SFI1: variants seen among roughly 807,000 people sequenced by gnomAD.
SFI1 encodes protein SFI1 homolog.
In SFI1, 195 loss-of-function variants were observed where a neutral mutation model predicts 207.5. That is an observed-to-expected ratio of 0.94 (90% CI 0.84 to 1.06). The LOEUF (loss-of-function observed/expected upper bound fraction) is 1.06. SFI1 is among the 50% of genes least tolerant of loss of function. The pLI is 0.00. For missense variants in SFI1, 1,634 were observed against 1,588.0 expected, an observed-to-expected ratio of 1.03 and a Z score of -0.49; for synonymous variants, 630 against 598.9, an observed-to-expected ratio of 1.05 and a Z score of -0.76.
intron 11 of SFI1, 100 bp downstream of exon 11, chr22:31,578,552 A>T: frequency 9.2e-7 from 1 of 1,083,620 alleles, no homozygotes; most frequent in South Asian, 1.7e-5. Flanking sequence ...AAATGCAGTC[A>T]GCTATGGGTG....
At chr22:31,503,378 G>T (rs1008221419) in intron 1 of SFI1, among the ~76,000 whole-genome samples, 4 of 152,084 alleles carry the variant, frequency 2.6e-5, no homozygotes, top group Non-Finnish European at 5.9e-5. Flanking sequence ...TATCCACTCT[G>T]AAGTTTTTCA....
chr22:31,602,460 G>T (rs1569444327), intron 16 of SFI1, 147 bp from the exon 17 acceptor site: 1 of 1,124,790 alleles, frequency 8.9e-7, no homozygotes, highest in Non-Finnish European at 1.3e-6. Context: ...TCTCAGTGGA[G>T]CCTACAGACA....
chr22:31,596,165 A>G (rs5994412), intron 15 of SFI1, among the ~76,000 whole-genome samples: 15,129 of 152,112 alleles, frequency 0.099, 923 homozygotes, highest in Admixed American at 0.16. Flanking sequence ...AGGCACAAGA[A>G]TCACTTTAAC....
At chr22:31,530,923 C>G (rs2058455421) in intron 3 of SFI1, 135 bp from the exon 4 acceptor site, 1 of 657,090 alleles carries the variant, frequency 1.5e-6, no homozygotes, top group African/African-American at 1.8e-5. Flanking sequence ...GCAAAATTAG[C>G]TATGATACCG....
intron 15 of SFI1, among the ~76,000 whole-genome samples, chr22:31,601,118 C>G (rs185024221): frequency 0.012 from 1,585 of 134,374 alleles, 7 homozygotes; most frequent in Middle Eastern, 0.032. Flanking sequence ...AACCTTTTTA[C>G]TTTTCTTTAC....
intron 1 of SFI1, among the ~76,000 whole-genome samples, chr22:31,507,983 G>T (rs2054888132): frequency 6.6e-6 from 1 of 152,086 alleles, no homozygotes; most frequent in African/African-American, 2.4e-5. Flanking sequence ...GGTTGAGGCA[G>T]GAGAATCGCT....
chr22:31,561,558 A>G (rs575038840), intron 8 of SFI1, among the ~76,000 whole-genome samples, 166 bp downstream of exon 8: 46 of 152,324 alleles, frequency 3.0e-4, no homozygotes, highest in Non-Finnish European at 5.3e-4. Flanking sequence ...GCTGTTAGGA[A>G]TAAAGTAGAG....
Position 31,582,204 on chromosome 22 carries a change from TTTTATATATATATATATA to T in SFI1, c.1249-1669_1249-1652del, listed in dbSNP as rs1215555243. Among the ~76,000 whole-genome samples the T allele has an allele frequency of 2.1e-3, 34 of 15,982 alleles. 1 individual carries two copies. The highest frequency in any genetic ancestry group is 8.7e-3 in the South Asian group (3 of 346). The allele number at this position is 15,982 out of a possible 152,430, so 10.5% of individuals were successfully genotyped here. On this transcript the variant is annotated intron_variant, in intron 12 of 32. Coordinates refer to ENST00000400288, the MANE Select transcript of SFI1 (RefSeq NM_001007467.3). ...CCCCCAACAACACTTCTTTATTACA[TTTTATATATATATATATA>T]TATATATATATATATTTTTTTTTTT...
chr22:31,557,119 G>A, intron 7 of SFI1, 60 bp downstream of exon 7: 1 of 1,030,766 alleles, frequency 9.7e-7, no homozygotes, highest in South Asian at 1.6e-5. Flanking sequence ...TCAGCTTTAT[G>A]GTGCTGGAAA....
intron 2 of SFI1, among the ~76,000 whole-genome samples, chr22:31,512,677 C>T (rs1198642111): frequency 6.7e-6 from 1 of 148,506 alleles, no homozygotes; most frequent in Admixed American, 6.8e-5. Flanking sequence ...GCCACCATAC[C>T]CAGCTAATAT....
intron 15 of SFI1, among the ~76,000 whole-genome samples, chr22:31,593,405 G>A (rs1229385857): frequency 1.4e-5 from 2 of 141,192 alleles, no homozygotes; most frequent in African/African-American, 2.7e-5. Context: ...ATGGGCGGCC[G>A]GGCAGAGACG....
chr22:31,585,183 C>T, intron 14 of SFI1, 49 bp downstream of exon 14: 1 of 1,501,052 alleles, frequency 6.7e-7, no homozygotes, highest in Non-Finnish European at 9.2e-7. Context: ...CATTCTTGGA[C>T]CCATTTGCTT....
Position 31,606,955 on chromosome 22 carries a change from C to G in SFI1, c.2157+525C>G, listed in dbSNP as rs2069130431. On this transcript the variant is annotated intron_variant, in intron 21 of 32. Coordinates refer to ENST00000400288, the MANE Select transcript of SFI1 (RefSeq NM_001007467.3). ...TCAGGTGATCCATCTGCCTCAGCCT[C>G]CCAAAGTGCTGGGATTACAGGCTCT... Among the ~76,000 whole-genome samples, 3 of 152,042 alleles carry G rather than the reference C, an allele frequency of 2.0e-5. 1 individual carries two copies. The highest frequency in any genetic ancestry group is 2.0e-4 in the Admixed American group (3 of 15,262).
chr22:31,515,403 C>T (rs189526452), intron 2 of SFI1, among the ~76,000 whole-genome samples: 1 of 151,118 alleles, frequency 6.6e-6, no homozygotes, highest in East Asian at 1.9e-4. Flanking sequence ...GGCTGGAGTA[C>T]AGTGGCATGA....
At chr22:31,516,537 G>A (rs1472066096) in intron 2 of SFI1, among the ~76,000 whole-genome samples, 2 of 150,400 alleles carry the variant, frequency 1.3e-5, no homozygotes, top group Non-Finnish European at 3.0e-5. Flanking sequence ...AAAAAAGAAA[G>A]CCAGGCACAG....
rs758697943 is a variant in SFI1, at chr22:31,617,047, C to T, written c.3481C>T (p.Leu1161=). 1.9e-5 allele frequency: 30 copies of T among 1,613,990 alleles called. No individual in the cohort carries two copies. Among genetic ancestry groups the T allele is most frequent in the East Asian group, 2.2e-5 (1 of 44,884 alleles). ...AELEEIQQQL[L]HYQTTKQNLW... is the part of the protein sequence containing the mutation. ...ACTTGAGGAGATCCAGCAGCAACTA[C>T]TGCACTACCAGACCACCAAGCAGAA... The change falls in exon 31 of 33, where the codon CTG becomes TTG. Residue 1161 remains leucine (L), a synonymous_variant. Transcript: ENST00000400288.
chr22:31,613,566 G>C (rs745332987), intron 26 of SFI1, 36 bp downstream of exon 26: 1 of 1,578,772 alleles, frequency 6.3e-7, no homozygotes, highest in South Asian at 1.1e-5. Context: ...GGAGCAGGCA[G>C]GGTGTGGCAT....
chr22:31,497,371 C>T (rs1393750103), intron 1 of SFI1: 1 of 152,152 alleles, frequency 6.6e-6, no homozygotes, highest in African/African-American at 2.4e-5. Flanking sequence ...ATATTTCAAA[C>T]TTTTTATTTC....
chr22:31,514,754 C>T lies in SFI1; in HGVS notation c.92+6378C>T, dbSNP rs946149707. 4.0e-5 allele frequency among the ~76,000 whole-genome samples: 6 copies of T among 151,288 alleles called. No homozygotes were observed. In the South Asian group the frequency reaches 6.3e-4, roughly 16 times the overall value. ...TCTCCATTTCCGAAATTCATGTTGT[C>T]GAAAACGACAGAATTTCTTCCTTTT... On this transcript the variant is annotated intron_variant, in intron 2 of 32. Transcript: ENST00000400288.
Sources: gnomAD v4.1 joint callset for allele counts (sites outside exome capture counted in the v4.1 genomes callset) on GRCh38, gnomAD v4.1.1 for gene constraint, MANE v1.5 for transcripts, NCBI Gene and HGNC (gene_info 2026-07-23, HGNC 2026-07-21) for gene names.